GSE1: variants seen among roughly 807,000 people sequenced by gnomAD.
The protein encoded by GSE1 is Gse1 coiled-coil protein, also known as genetic suppressor element 1.
In GSE1, 32 loss-of-function variants were observed where a neutral mutation model predicts 112.6. The ratio of observed to expected loss-of-function variants is 0.28; its 90% confidence interval spans 0.21 to 0.38. The LOEUF (loss-of-function observed/expected upper bound fraction) is 0.38. Ranked by LOEUF, GSE1 falls within the 10% of genes least tolerant of loss-of-function variation. The probability of loss-of-function intolerance (pLI) is 1.00; values close to 1 mark genes in which losing one functional copy is unlikely to be tolerated. For synonymous variants in GSE1, 1,115 were observed against 735.6 expected (o/e 1.52, Z -8.35); for missense variants, 2,348 against 1,699.2 (o/e 1.38, Z -6.71).
At chr16:85,195,767 C>G (rs974396591) in intron 1 of GSE1, among the ~76,000 whole-genome samples, 3 of 152,116 alleles carry the variant, frequency 2.0e-5, no homozygotes, top group Non-Finnish European at 4.4e-5. Context: ...GAGACTGTCC[C>G]GGAAAGGTTA....
chr16:85,567,888 A>G (rs1264280716), intron 1 of GSE1, among the ~76,000 whole-genome samples: 1 of 151,884 alleles, frequency 6.6e-6, no homozygotes, highest in African/African-American at 2.4e-5. Context: ...ACACCTGGCT[A>G]ATTTTTAAAT....
chr16:85,254,482 C>A (rs909044143), intron 1 of GSE1, among the ~76,000 whole-genome samples: 4 of 152,202 alleles, frequency 2.6e-5, no homozygotes, highest in East Asian at 1.9e-4. Flanking sequence ...ATGACCCCCC[C>A]ACTCGGAGAG....
At chr16:85,424,269 G>A (rs1872195) in intron 2 of GSE1, among the ~76,000 whole-genome samples, 96,851 of 152,222 alleles carry the variant, frequency 0.64, 30,930 homozygotes, top group East Asian at 0.74. Flanking sequence ...CGGTGCCAGC[G>A]TACAGACATC....
intron 2 of GSE1, among the ~76,000 whole-genome samples, chr16:85,468,818 G>C (rs995814994): frequency 1.8e-4 from 27 of 151,804 alleles, no homozygotes; most frequent in African/African-American, 5.8e-4. Context: ...TGTGCTGATG[G>C]CATTGACCAT....
chr16:85,485,277 C>T (rs2050796929), intron 2 of GSE1, among the ~76,000 whole-genome samples: 1 of 152,226 alleles, frequency 6.6e-6, no homozygotes, highest in East Asian at 1.9e-4. Context: ...TGCATTTTCC[C>T]AGAGAATGGC....
At chr16:85,258,436 T>C (rs928406410) in intron 1 of GSE1, among the ~76,000 whole-genome samples, 10 of 152,146 alleles carry the variant, frequency 6.6e-5, no homozygotes, top group African/African-American at 2.4e-4. Flanking sequence ...GAACACATTC[T>C]CACCGGGTCC....
intron 1 of GSE1, chr16:85,185,194 C>T (rs1292957039): frequency 6.6e-6 from 1 of 152,236 alleles, no homozygotes; most frequent in Non-Finnish European, 1.5e-5. Flanking sequence ...CCTCTTTTAT[C>T]TGAATTATTC....
intron 1 of GSE1, among the ~76,000 whole-genome samples, chr16:85,614,236 C>T (rs1212647805): frequency 1.3e-5 from 2 of 152,266 alleles, no homozygotes; most frequent in African/African-American, 2.4e-5. Context: ...CCCTCCCGGG[C>T]CCTGCGGCCG....
At chr16:85,623,290 A>G (rs145152330) in intron 1 of GSE1, among the ~76,000 whole-genome samples, 157 of 151,398 alleles carry the variant, frequency 1.0e-3, no homozygotes, top group African/African-American at 3.7e-3. Context: ...TCACAACTCA[A>G]GGCAGCCTCA....
At chr16:85,662,322 A>G (rs1376291496) in intron 9 of GSE1, 1 of 154,610 alleles carries the variant, frequency 6.5e-6, no homozygotes, top group Admixed American at 6.4e-5. Flanking sequence ...CGAGCAGGCG[A>G]GAGTGTGCAG....
intron 1 of GSE1, among the ~76,000 whole-genome samples, chr16:85,626,640 G>T (rs946938021): frequency 6.6e-6 from 1 of 152,238 alleles, no homozygotes. Context: ...GGGCGGATTG[G>T]TGCTTGAACC....
intron 1 of GSE1, among the ~76,000 whole-genome samples, chr16:85,231,223 G>GGAT (rs1016173713): frequency 1.3e-5 from 2 of 149,994 alleles, no homozygotes; most frequent in Non-Finnish European, 3.0e-5. Context: ...ATAGATGGAT[G>GGAT]GATGATGATG....
intron 2 of GSE1, among the ~76,000 whole-genome samples, chr16:85,432,958 G>A (rs1252906342): frequency 2.0e-5 from 3 of 152,124 alleles, no homozygotes; most frequent in African/African-American, 7.2e-5. Flanking sequence ...GGCATCCAGA[G>A]GCCTAGAGCG....
chr16:85,423,735 G>T (rs912016545), intron 2 of GSE1, among the ~76,000 whole-genome samples: 1 of 152,026 alleles, frequency 6.6e-6, no homozygotes, highest in Non-Finnish European at 1.5e-5. Flanking sequence ...TCTCTCTGTC[G>T]CCGCATCCAT....
chr16:85,572,427 C>T (rs1430386007), intron 1 of GSE1, among the ~76,000 whole-genome samples: 1 of 149,052 alleles, frequency 6.7e-6, no homozygotes, highest in Non-Finnish European at 1.5e-5. Flanking sequence ...ACCACACACA[C>T]ACAGCACATA....
At chr16:85,541,983 G>A (rs544334192) in intron 2 of GSE1, among the ~76,000 whole-genome samples, 20 of 152,194 alleles carry the variant, frequency 1.3e-4, no homozygotes, top group Non-Finnish European at 2.2e-4. Context: ...CCTTGCCCTC[G>A]GGGTAGAGAA....
chr16:85,618,809 C>T (rs906397510), intron 1 of GSE1, among the ~76,000 whole-genome samples: 5 of 152,314 alleles, frequency 3.3e-5, no homozygotes, highest in East Asian at 1.9e-4. Flanking sequence ...TGATGCGTGC[C>T]GCGACACCTG....
intron 1 of GSE1, among the ~76,000 whole-genome samples, chr16:85,324,509 CA>C (rs58493568): frequency 0.35 from 34,173 of 97,872 alleles, 5,066 homozygotes; most frequent in African/African-American, 0.54. Context: ...GACTCCCTCT[CA>C]AAAAAAAAAA....
In GSE1 at chr16:85,671,047, C is replaced by T; in HGVS notation, c.3468C>T (p.Ala1156=). Residue 1156 remains alanine (A), a synonymous_variant, in exon 15 of 16, where the codon GCC becomes GCT. Coordinates refer to ENST00000253458, the MANE Select transcript of GSE1 (RefSeq NM_014615.5). ...AGACACAATGTAGACGACTGGAGGC[C>T]CGGCACTACAGCCTCAGCCTGACGG... ...VLQTQCRRLE[A]RHYSLSLTAE... is the part of the protein sequence containing the mutation. 1 of 1,612,872 alleles carries T rather than the reference C, an allele frequency of 6.2e-7. No homozygotes were observed. Among genetic ancestry groups the T allele is most frequent in the Non-Finnish European group, 8.5e-7 (1 of 1,179,030 alleles).
Sources: gnomAD v4.1 joint callset for allele counts (sites outside exome capture counted in the v4.1 genomes callset) on GRCh38, gnomAD v4.1.1 for gene constraint, MANE v1.5 for transcripts, NCBI Gene and HGNC (gene_info 2026-07-23, HGNC 2026-07-21) for gene names.